KCNN4: variants seen among roughly 807,000 people sequenced by gnomAD.
KCNN4 encodes potassium calcium-activated channel subfamily N member 4.
KCNN4 carries 31 observed loss-of-function variants against 45.2 expected under a neutral mutation model. The ratio of observed to expected loss-of-function variants is 0.69; its 90% CI spans 0.52 to 0.92. The LOEUF (loss-of-function observed/expected upper bound fraction) is 0.92, where lower values mean the gene tolerates loss of function less well. Ranked by LOEUF, KCNN4 falls within the 40% of genes least tolerant of loss-of-function variation. The pLI, the probability that KCNN4 is intolerant of heterozygous loss-of-function variation, is 0.00. For synonymous variants in KCNN4, 231 were observed against 254.6 expected (o/e 0.91, Z 0.88); for missense variants, 463 against 574.0 (o/e 0.81, Z 1.98).
chr19:43,779,508 C>T (rs1168482378), intron 1 of KCNN4, among the ~76,000 whole-genome samples: 2 of 152,120 alleles, frequency 1.3e-5, no homozygotes, highest in African/African-American at 4.8e-5. Flanking sequence ...TATCAGTGTC[C>T]GCATCTGGCC....
chr19:43,770,848 T>G (rs1346160578), intron 4 of KCNN4, among the ~76,000 whole-genome samples: 1 of 152,152 alleles, frequency 6.6e-6, no homozygotes, highest in African/African-American at 2.4e-5. Flanking sequence ...CCTATCTCTC[T>G]AGGTTTCTGT....
At position 43,776,631 on chromosome 19, in the gene KCNN4, C is replaced by T. The variant is rs778812990; in HGVS notation, c.165G>A (p.Ala55=). ...EMLWFGGCSW[A]LYLFLVKCTI... ...TGCATTTAACCAGGAACAGGTAGAG[C>T]GCCCACTGTCAGGGGGGACGGAAAA... is the stretch of plus-strand genomic sequence containing the variant. The change falls in exon 2 of 9, where the codon GCG becomes GCA. Residue 55 remains alanine, a synonymous_variant. Transcript: ENST00000648319. The T allele has an allele frequency of 1.1e-5, 17 of 1,610,602 alleles. No homozygotes were observed. The highest frequency in any genetic ancestry group is 1.0e-4 in the Admixed American group (6 of 59,984).
At chr19:43,770,457 G>C (rs1334860886) in intron 4 of KCNN4, among the ~76,000 whole-genome samples, 2 of 152,040 alleles carry the variant, frequency 1.3e-5, no homozygotes, top group African/African-American at 2.4e-5. Context: ...GCCCTTCAAG[G>C]CCTTGGCAAT....
chr19:43,770,290 C>T (rs1311436261), intron 4 of KCNN4, among the ~76,000 whole-genome samples: 2 of 152,172 alleles, frequency 1.3e-5, no homozygotes, highest in African/African-American at 4.8e-5. Context: ...ATCTCCCAGG[C>T]TTCCACTGGC....
At chr19:43,777,790 T>A (rs991452046) in intron 1 of KCNN4, among the ~76,000 whole-genome samples, 4 of 152,152 alleles carry the variant, frequency 2.6e-5, no homozygotes, top group Non-Finnish European at 5.9e-5. Context: ...GGTCCCTGCC[T>A]GGCGGGTATT....
chr19:43,778,302 C>T (rs1969868976), intron 1 of KCNN4, among the ~76,000 whole-genome samples: 1 of 152,048 alleles, frequency 6.6e-6, no homozygotes, highest in Non-Finnish European at 1.5e-5. Flanking sequence ...TGCAGTGGCA[C>T]GATCTTGGCT....
chr19:43,775,067 T>C (rs1969761620), intron 2 of KCNN4, among the ~76,000 whole-genome samples: 2 of 152,262 alleles, frequency 1.3e-5, no homozygotes, highest in African/African-American at 4.8e-5. Flanking sequence ...GGCTTACGCC[T>C]GTAATCCCAG....
chr19:43,772,194 C>T lies in KCNN4; in HGVS notation c.684-59G>A. The T allele has an allele frequency of 6.3e-7, 1 of 1,585,986 alleles. No individual in the cohort carries two copies. Among genetic ancestry groups the T allele is most frequent in the Non-Finnish European group, 8.6e-7 (1 of 1,163,936 alleles). On this transcript the variant is annotated intron_variant, in intron 3 of 8. Coordinates refer to ENST00000648319, the MANE Select transcript of KCNN4 (RefSeq NM_002250.3). The surrounding 1 kb of genome is among the most constrained non-coding windows in gnomAD (Gnocchi z 4.4). The stretch of plus-strand genomic sequence containing the variant: ...ACCATAGAGGTTTCCATGATATTCA[C>T]TCCCCTTCCCTCTATACCCTCCCAT...
At chr19:43,770,913 C>T (rs1969625525) in intron 4 of KCNN4, among the ~76,000 whole-genome samples, 1 of 152,186 alleles carries the variant, frequency 6.6e-6, no homozygotes, top group South Asian at 2.1e-4. Context: ...AGGTCCCTAA[C>T]TGAGTCTCTG....
chr19:43,769,347 C>T lies in KCNN4; in HGVS notation c.1049+95G>A, dbSNP rs1190794434. ...TGAGACCACACCTGGGTGTCCTGAC[C>T]TGGACAGGCATGGACATGCACACAC... On this transcript the variant is annotated intron_variant, in intron 6 of 8. Coordinates refer to ENST00000648319, the MANE Select transcript of KCNN4 (RefSeq NM_002250.3). This position sits in a 1 kb window ranked among gnomAD's most constrained non-coding sequence, Gnocchi z 4.4. 18 of 1,007,462 alleles carry T rather than the reference C, an allele frequency of 1.8e-5. No individual in the cohort carries two copies. Among genetic ancestry groups the T allele is most frequent in the Non-Finnish European group, 2.5e-5 (16 of 648,116 alleles). The allele number at this position is 1,007,462 out of a possible 1,614,324, so 62.4% of individuals were successfully genotyped here. A position where few individuals can be genotyped will look rare whatever the true frequency, so the allele number is the denominator to read the frequency against.
In KCNN4 at chr19:43,769,813, G is replaced by A. The variant is rs776562583; in HGVS notation, c.836C>T (p.Ala279Val). 1 of 1,612,692 alleles carries A rather than the reference G, an allele frequency of 6.2e-7. No homozygotes were observed. Among genetic ancestry groups the A allele is most frequent in the South Asian group, 1.1e-5 (1 of 91,030 alleles). The part of the protein sequence containing the change: ...CTGVMGVCCT[A>V]LLVAVVARKL... ...CCGGGCCACCACGGCCACCAGCAGG[G>A]CTGTGCAGCAGACACCCTGTGGGCA... The change falls in exon 5 of 9, where the codon GCC (alanine) becomes GTC (valine). Residue 279 changes from alanine to valine, a missense_variant. Ala to Val is a moderately conservative substitution (Grantham distance 64, BLOSUM62 0). Coordinates refer to ENST00000648319, the MANE Select transcript of KCNN4 (RefSeq NM_002250.3). This position sits in a 1 kb window ranked among gnomAD's most constrained non-coding sequence, Gnocchi z 4.4.
At position 43,774,293 on chromosome 19, in the gene KCNN4, G is replaced by C; in HGVS notation, c.582C>G (p.Phe194Leu). 6.2e-7 allele frequency: 1 copy of C among 1,612,578 alleles called. No homozygotes were observed. The highest frequency in any genetic ancestry group is 1.1e-5 in the South Asian group (1 of 90,762). Residue 194 changes from phenylalanine (F) to leucine (L), a missense_variant, in exon 3 of 9, where the codon TTC (phenylalanine) becomes TTG (leucine). Phe to Leu is a conservative substitution (Grantham distance 22). Around this residue, in one of 3 missense-constraint regions of KCNN4, gnomAD observed 109 missense variants for 183.7 expected, o/e 0.59. Coordinates refer to ENST00000648319, the MANE Select transcript of KCNN4 (RefSeq NM_002250.3). This position sits in a 1 kb window ranked among gnomAD's most constrained non-coding sequence, Gnocchi z 5.6. Reference protein sequence around the residue: ...ALNQVRFRHWFVAKLYMNTHP... With the variant: ...ALNQVRFRHWLVAKLYMNTHP... ...GCGTGTTCATGTAAAGCTTGGCCAC[G>C]AACCAGTGGCGGAAGCGGACTTGAT...
chr19:43,773,953 G>A (rs1367221808), intron 3 of KCNN4, among the ~76,000 whole-genome samples: 1 of 152,210 alleles, frequency 6.6e-6, no homozygotes, highest in Non-Finnish European at 1.5e-5. Context: ...GTCTGTGTGT[G>A]CGTTTGGGGA....
At position 43,772,429 on chromosome 19, in the gene KCNN4, C is replaced by A. The variant is rs347521; in HGVS notation, c.684-294G>T. Among the ~76,000 whole-genome samples the A allele has an allele frequency of 1.6e-4, 24 of 152,084 alleles. No homozygotes were observed. Among genetic ancestry groups the A allele is most frequent in the African/African-American group, 5.8e-4 (24 of 41,404 alleles). On this transcript the variant is annotated intron_variant, in intron 3 of 8. Transcript: ENST00000648319. This position sits in a 1 kb window ranked among gnomAD's most constrained non-coding sequence, Gnocchi z 4.4. ...CCGGTATGGTCTCAGCTAGGCTACC[C>A]GGGCTGCTGTAGCATTCAGAGCGTG... is the stretch of plus-strand genomic sequence containing the variant.
At position 43,776,568 on chromosome 19, in the gene KCNN4, G is replaced by A. The variant is rs144902329; in HGVS notation, c.228C>T (p.Ile76=). ...GGACCTCTTTGGCATGAAAGGCCAC[G>A]ATGAGGCAGAGGAGTAAGAAGGTGG... ...SISTFLLLCL[I]VAFHAKEVQL... is the part of the protein sequence containing the mutation. Residue 76 remains isoleucine (I), a synonymous_variant, in exon 2 of 9, where the codon ATC becomes ATT. Coordinates refer to ENST00000648319, the MANE Select transcript of KCNN4 (RefSeq NM_002250.3). The A allele has an allele frequency of 1.8e-5, 29 of 1,613,628 alleles. No homozygotes were observed. The highest frequency in any genetic ancestry group is 1.7e-4 in the Middle Eastern group (1 of 5,980).
intron 1 of KCNN4, among the ~76,000 whole-genome samples, chr19:43,777,513 C>G (rs1202736805): frequency 1.3e-5 from 2 of 152,060 alleles, no homozygotes; most frequent in Non-Finnish European, 2.9e-5. Context: ...TGCTCTCATC[C>G]GGAGGGCTGA....
In KCNN4 at chr19:43,774,477, G is replaced by A. The variant is rs1399236819; in HGVS notation, c.398C>T (p.Ala133Val). 6.3e-7 allele frequency: 1 copy of A among 1,596,418 alleles called. No individual in the cohort carries two copies. The highest frequency in any genetic ancestry group is 8.5e-7 in the Non-Finnish European group (1 of 1,171,818). ...CCAGGGCTGCGGGGAGGTCAGCGGCGCCCCTAAATCCTGCACGCACGGCGG... is the reference window on the plus strand; with the variant it reads ...CCAGGGCTGCGGGGAGGTCAGCGGCACCCCTAAATCCTGCACGCACGGCGG... ...RGPPCVQDLG[A>V]PLTSPQPWPG... The change falls in exon 3 of 9, where the codon GCG becomes GTG. Residue 133 changes from alanine (A) to valine (V), a missense_variant. Coordinates refer to ENST00000648319, the MANE Select transcript of KCNN4 (RefSeq NM_002250.3). The surrounding 1 kb of genome is among the most constrained non-coding windows in gnomAD (Gnocchi z 5.6).
intron 2 of KCNN4, 43 bp downstream of exon 2, chr19:43,776,498 G>A (rs755306455): frequency 7.6e-7 from 1 of 1,319,544 alleles, no homozygotes; most frequent in South Asian, 1.2e-5. Context: ...AGGGCGCTGA[G>A]GGGGTTGGAG....
chr19:43,774,716 G>A lies in KCNN4; in HGVS notation c.256-97C>T. On this transcript the variant is annotated intron_variant, in intron 2 of 8. Coordinates refer to ENST00000648319, the MANE Select transcript of KCNN4 (RefSeq NM_002250.3). The surrounding 1 kb of genome is among the most constrained non-coding windows in gnomAD (Gnocchi z 5.6). ...GCCTGCGCCCTGAGATAAGTGGGGTGTGCCGCCTGGCCAGGAGGGAGGGAG... is the reference window on the plus strand; with the variant it reads ...GCCTGCGCCCTGAGATAAGTGGGGTATGCCGCCTGGCCAGGAGGGAGGGAG... 2.8e-6 allele frequency: 3 copies of A among 1,074,508 alleles called. No homozygotes were observed. Among genetic ancestry groups the A allele is most frequent in the Non-Finnish European group, 3.8e-6 (3 of 789,066 alleles). The allele number at this position is 1,074,508 out of a possible 1,614,324, so 66.6% of individuals were successfully genotyped here.
Sources: allele counts gnomAD v4.1 joint callset (sites outside exome capture counted in the v4.1 genomes callset), GRCh38; gene constraint gnomAD v4.1.1; regional missense constraint gnomAD v4.1.1; non-coding constraint Gnocchi (gnomAD v3.1); transcripts MANE v1.5; gene names NCBI Gene and HGNC (gene_info 2026-07-23, HGNC 2026-07-21).